Variants in RAPGEF4 observed in about 807,000 individuals in gnomAD.
RAPGEF4 encodes the protein RAP guanine-nucleotide-exchange factor (GEF) 4.
RAPGEF4 carries 66 observed loss-of-function variants against 147.9 expected under a neutral mutation model. The ratio of observed to expected loss-of-function variants is 0.45; its 90% CI spans 0.37 to 0.55. The LOEUF is 0.55. Ranked by LOEUF, RAPGEF4 falls within the 20% of genes least tolerant of loss-of-function variation. The pLI is 0.00. For missense variants in RAPGEF4, 1,071 were observed against 1,257.3 expected, an observed-to-expected ratio of 0.85 and a Z score of 2.24; for synonymous variants, 419 against 442.7, an observed-to-expected ratio of 0.95 and a Z score of 0.67.
chr2:172,736,805 T>C (rs1489462594), intron 1 of RAPGEF4, among the ~76,000 whole-genome samples: 13 of 152,250 alleles, frequency 8.5e-5, no homozygotes, highest in Admixed American at 8.5e-4. Context: ...CACAGTATGT[T>C]AGCAATTATA....
rs140602232 is a variant in RAPGEF4 at position 172,859,201 on chromosome 2, A to G, written c.444+44776A>G. Reference sequence around the variant, plus strand: ...TGAAACTTGGTATGCTTTGTTATCCATCAAATTCTGTTGCTTAACAGTGGT... The same window carrying G: ...TGAAACTTGGTATGCTTTGTTATCCGTCAAATTCTGTTGCTTAACAGTGGT... On this transcript the variant is annotated intron_variant, in intron 4 of 30. Transcript: ENST00000397081. 1.6e-3 allele frequency among the ~76,000 whole-genome samples: 249 copies of G among 152,366 alleles called. 2 individuals carry two copies. Among genetic ancestry groups the G allele is most frequent in the African/African-American group, 5.7e-3 (236 of 41,592 alleles).
At chr2:173,044,732 C>T (rs985958557) in intron 29 of RAPGEF4, among the ~76,000 whole-genome samples, 4 of 152,166 alleles carry the variant, frequency 2.6e-5, no homozygotes, top group East Asian at 1.9e-4. Context: ...TTCCCCTACA[C>T]GGATCCGGAG....
At chr2:172,878,124 C>T (rs956096203) in intron 4 of RAPGEF4, among the ~76,000 whole-genome samples, 1 of 152,170 alleles carries the variant, frequency 6.6e-6, no homozygotes, top group South Asian at 2.1e-4. Flanking sequence ...TCTACACCCA[C>T]CTGGTGTGAA....
intron 5 of RAPGEF4, chr2:172,918,103 A>C: frequency 1.5e-6 from 1 of 689,580 alleles, no homozygotes; most frequent in Non-Finnish European, 2.6e-6. Context: ...TGCCAGCTGG[A>C]ACTTTGGCAT....
At chr2:173,035,725 CAT>C (rs1210687508) in intron 27 of RAPGEF4, among the ~76,000 whole-genome samples, 1 of 152,080 alleles carries the variant, frequency 6.6e-6, no homozygotes, top group Non-Finnish European at 1.5e-5. Flanking sequence ...TTACTGATAA[CAT>C]AAAGTCAACT....
chr2:172,835,012 C>T (rs1044038540), intron 4 of RAPGEF4, among the ~76,000 whole-genome samples: 1 of 152,122 alleles, frequency 6.6e-6, no homozygotes, highest in African/African-American at 2.4e-5. Context: ...GAGTTTTTGC[C>T]CCCCACTAGC....
intron 4 of RAPGEF4, among the ~76,000 whole-genome samples, chr2:172,825,350 A>T (rs1559060936): frequency 6.6e-6 from 1 of 152,234 alleles, no homozygotes; most frequent in Admixed American, 6.5e-5. Context: ...TACTTGAAGT[A>T]TAGTTTCTAC....
At chr2:172,930,027 G>T (rs1685754400) in intron 6 of RAPGEF4, among the ~76,000 whole-genome samples, 1 of 152,136 alleles carries the variant, frequency 6.6e-6, no homozygotes, top group Non-Finnish European at 1.5e-5. Flanking sequence ...CTGGCCTCTA[G>T]TATCTGCTTT....
intron 4 of RAPGEF4, chr2:172,822,022 G>A: frequency 4.4e-6 from 7 of 1,598,490 alleles, no homozygotes; most frequent in Non-Finnish European, 6.0e-6. Flanking sequence ...GGGAGAGTGG[G>A]GAAATACTAC....
At position 173,030,686 on chromosome 2, in the gene RAPGEF4, T is replaced by G. The variant is rs573992746; in HGVS notation, c.2649+432T>G. Among the ~76,000 whole-genome samples the G allele has an allele frequency of 2.6e-5, 4 of 152,340 alleles. No individual in the cohort carries two copies. The East Asian group carries it at 5.8e-4, about 22-fold the overall frequency. On this transcript the variant is annotated intron_variant, in intron 26 of 30. Coordinates refer to ENST00000397081, the MANE Select transcript of RAPGEF4 (RefSeq NM_007023.4). ...TTTTTATCCAAGTACTCATTTTGCT[T>G]CTGGAAGGAAGAGCCAGGAAGCCAA...
intron 4 of RAPGEF4, among the ~76,000 whole-genome samples, chr2:172,833,878 A>G (rs2149679953): frequency 6.6e-6 from 1 of 152,316 alleles, no homozygotes; most frequent in Non-Finnish European, 1.5e-5. Flanking sequence ...CAGTATCACT[A>G]TTGAAGCAAA....
At chr2:172,873,088 C>T (rs1695438812) in intron 4 of RAPGEF4, among the ~76,000 whole-genome samples, 1 of 152,174 alleles carries the variant, frequency 6.6e-6, no homozygotes. Flanking sequence ...CTTTGGAGGA[C>T]AGAGTGTAAA....
At chr2:172,858,140 C>G (rs1693652137) in intron 4 of RAPGEF4, among the ~76,000 whole-genome samples, 1 of 152,122 alleles carries the variant, frequency 6.6e-6, no homozygotes, top group African/African-American at 2.4e-5. Context: ...AGCCTAACAA[C>G]AAGACCAGGC....
At chr2:172,925,043 T>C (rs1447412083) in intron 6 of RAPGEF4, among the ~76,000 whole-genome samples, 1 of 152,188 alleles carries the variant, frequency 6.6e-6, no homozygotes, top group East Asian at 1.9e-4. Flanking sequence ...CGCAGTGGCA[T>C]GATCTCAGCT....
At chr2:173,027,652 G>A (rs1218959143) in intron 25 of RAPGEF4, among the ~76,000 whole-genome samples, 2 of 152,346 alleles carry the variant, frequency 1.3e-5, no homozygotes, top group East Asian at 3.9e-4. Context: ...GGGCAGTGCA[G>A]CATGCATGTA....
At chr2:172,927,460 T>A (rs1316054817) in intron 6 of RAPGEF4, among the ~76,000 whole-genome samples, 1 of 152,144 alleles carries the variant, frequency 6.6e-6, no homozygotes, top group Non-Finnish European at 1.5e-5. Flanking sequence ...AAATTATGTA[T>A]CCTCATACAA....
chr2:172,820,665 G>A (rs2149627066), intron 4 of RAPGEF4, among the ~76,000 whole-genome samples: 1 of 152,302 alleles, frequency 6.6e-6, no homozygotes, highest in East Asian at 1.9e-4. Context: ...CATGCTTTAT[G>A]AGATACAAAA....
At chr2:172,859,978 G>A (rs564158977) in intron 4 of RAPGEF4, 1 of 963,512 alleles carries the variant, frequency 1.0e-6, no homozygotes, top group Non-Finnish European at 1.2e-6. Flanking sequence ...CCTGGCAATT[G>A]TTTCATGGAA....
intron 1 of RAPGEF4, among the ~76,000 whole-genome samples, chr2:172,770,510 T>C (rs1240217802): frequency 6.6e-6 from 1 of 152,224 alleles, no homozygotes. Flanking sequence ...ATAAATGCCA[T>C]CTGCTATTTT....
Sources: allele counts gnomAD v4.1 joint callset (sites outside exome capture counted in the v4.1 genomes callset), GRCh38; gene constraint gnomAD v4.1.1; transcripts MANE v1.5; gene names NCBI Gene and HGNC (gene_info 2026-07-23, HGNC 2026-07-21).